ARHGEF28: variants seen among roughly 807,000 people sequenced by gnomAD.
The protein encoded by ARHGEF28 is Rho guanine nucleotide exchange factor 28.
Under a neutral mutation model 206.6 loss-of-function variants are expected in ARHGEF28, and 152 were observed. That is an observed-to-expected ratio of 0.74 (90% confidence interval 0.64 to 0.84). The LOEUF (loss-of-function observed/expected upper bound fraction) is 0.84. Ranked by LOEUF, ARHGEF28 falls within the 40% of genes least tolerant of loss-of-function variation. The pLI, the probability that ARHGEF28 is intolerant of heterozygous loss-of-function variation, is 0.00. For missense variants in ARHGEF28, 2,028 were observed against 2,073.2 expected (o/e 0.98, Z 0.42); for synonymous variants, 763 against 776.4 (o/e 0.98, Z 0.29).
At chr5:73,882,415 T>G in intron 22 of ARHGEF28, 57 bp from the exon 23 acceptor site, 3 of 1,196,890 alleles carry the variant, frequency 2.5e-6, no homozygotes, top group Non-Finnish European at 3.3e-6. Flanking sequence ...TGCATATTTT[T>G]TGTGTGTTTA....
At chr5:73,805,343 G>A (rs1755374399) in intron 9 of ARHGEF28, among the ~76,000 whole-genome samples, 1 of 152,064 alleles carries the variant, frequency 6.6e-6, no homozygotes, top group African/African-American at 2.4e-5. Flanking sequence ...GTTGGGGATG[G>A]GATGCAGAAT....
intron 1 of ARHGEF28, among the ~76,000 whole-genome samples, chr5:73,655,982 T>C (rs1463103217): frequency 1.3e-5 from 2 of 152,170 alleles, no homozygotes; most frequent in African/African-American, 4.8e-5. Flanking sequence ...ATGGTCAACA[T>C]GGCAGTATGT....
intron 4 of ARHGEF28, among the ~76,000 whole-genome samples, chr5:73,772,430 A>G (rs6887372): frequency 0.026 from 3,954 of 152,252 alleles, 161 homozygotes; most frequent in African/African-American, 0.091. Context: ...CCAGGTTGGC[A>G]TGCAGTGGTG....
chr5:73,812,615 G>C (rs752000077), intron 9 of ARHGEF28, among the ~76,000 whole-genome samples: 1 of 152,074 alleles, frequency 6.6e-6, no homozygotes, highest in South Asian at 2.1e-4. Flanking sequence ...GCAGTGCCAC[G>C]ATTTATGGGG....
chr5:73,742,366 C>T (rs879751493), intron 2 of ARHGEF28, among the ~76,000 whole-genome samples: 1 of 151,912 alleles, frequency 6.6e-6, no homozygotes, highest in Non-Finnish European at 1.5e-5. Context: ...GTTTGGCATG[C>T]ATGTTTTATT....
At position 73,929,923 on chromosome 5, in the gene ARHGEF28, A is replaced by G. The variant is rs1764011945; in HGVS notation, c.4949-10921A>G. On this transcript the variant is annotated intron_variant, in intron 35 of 35. Coordinates refer to ENST00000513042, the MANE Select transcript of ARHGEF28 (RefSeq NM_001177693.2). ...ATTTAAATATATATGTACTTTCTGC[A>G]ACTTGGTTTTTTTCATATTCATACA... Among the ~76,000 whole-genome samples, 3 of 152,208 alleles carry G rather than the reference A, an allele frequency of 2.0e-5. No individual in the cohort carries two copies. In the South Asian group the frequency reaches 6.2e-4, roughly 32 times the overall value.
At chr5:73,719,493 CTTG>C (rs1381655752) in intron 2 of ARHGEF28, among the ~76,000 whole-genome samples, 2 of 151,324 alleles carry the variant, frequency 1.3e-5, no homozygotes, top group East Asian at 3.9e-4. Context: ...AGCCCATTGT[CTTG>C]TTGTAAAAAT....
intron 1 of ARHGEF28, among the ~76,000 whole-genome samples, chr5:73,664,308 C>G (rs1003117340): frequency 2.0e-5 from 3 of 152,192 alleles, no homozygotes; most frequent in Non-Finnish European, 4.4e-5. Flanking sequence ...TTTATTGAAA[C>G]TGTCTCCTTT....
chr5:73,672,652 G>A (rs925884290), intron 1 of ARHGEF28, among the ~76,000 whole-genome samples: 5 of 152,202 alleles, frequency 3.3e-5, no homozygotes, highest in Admixed American at 2.6e-4. Context: ...TTGGTAGGTC[G>A]TATCTTGCCC....
At chr5:73,769,750 G>GTT (rs778902491) in intron 4 of ARHGEF28, among the ~76,000 whole-genome samples, 1 of 152,172 alleles carries the variant, frequency 6.6e-6, no homozygotes, top group Non-Finnish European at 1.5e-5. Context: ...GGTTGTAACA[G>GTT]TTTACATTTC....
In ARHGEF28 at chr5:73,691,296, TACAC is replaced by T. The variant is rs57854737; in HGVS notation, c.33+6433_33+6436del. Among the ~76,000 whole-genome samples the T allele has an allele frequency of 2.4e-3, 365 of 149,760 alleles. 2 individuals are homozygous for T. Among genetic ancestry groups the T allele is most frequent in the African/African-American group, 7.6e-3 (310 of 40,934 alleles). On this transcript the variant is annotated intron_variant, in intron 2 of 35. Coordinates refer to ENST00000513042, the MANE Select transcript of ARHGEF28 (RefSeq NM_001177693.2). The stretch of plus-strand genomic sequence containing the variant: ...CACTAAAATTTGTTTGGCAAATGTG[TACAC>T]ACACACACACACACACACACTCATG...
At chr5:73,637,914 C>A (rs1743828488) in intron 1 of ARHGEF28, among the ~76,000 whole-genome samples, 1 of 151,476 alleles carries the variant, frequency 6.6e-6, no homozygotes, top group African/African-American at 2.4e-5. Flanking sequence ...TAATAGAGAT[C>A]AAAGTATTGT....
chr5:73,882,444 A>G, intron 22 of ARHGEF28, 28 bp from the exon 23 acceptor site: 1 of 1,359,172 alleles, frequency 7.4e-7, no homozygotes, highest in Non-Finnish European at 9.8e-7. Context: ...TAAATTTACA[A>G]ACCATTATTT....
At chr5:73,749,588 T>G (rs1751917968) in intron 2 of ARHGEF28, among the ~76,000 whole-genome samples, 1 of 152,260 alleles carries the variant, frequency 6.6e-6, no homozygotes, top group South Asian at 2.1e-4. Flanking sequence ...TTCTTTCCTG[T>G]GCCCTGAAGT....
At chr5:73,669,329 A>G (rs1009472933) in intron 1 of ARHGEF28, among the ~76,000 whole-genome samples, 1 of 152,244 alleles carries the variant, frequency 6.6e-6, no homozygotes, top group Non-Finnish European at 1.5e-5. Context: ...GAAAACTAAT[A>G]GGAGGCATAC....
chr5:73,697,617 A>G (rs997824698), intron 2 of ARHGEF28, among the ~76,000 whole-genome samples: 1 of 151,890 alleles, frequency 6.6e-6, no homozygotes, highest in Non-Finnish European at 1.5e-5. Flanking sequence ...TCCCACAATA[A>G]CCCATTAATC....
intron 27 of ARHGEF28, 92 bp downstream of exon 27, chr5:73,892,322 T>C: frequency 1.4e-6 from 2 of 1,425,678 alleles, no homozygotes; most frequent in Non-Finnish European, 1.9e-6. Flanking sequence ...AAACTTTGCC[T>C]CTGCCAGAAT....
intron 4 of ARHGEF28, among the ~76,000 whole-genome samples, chr5:73,772,570 G>C (rs1753281671): frequency 6.6e-6 from 1 of 152,140 alleles, no homozygotes; most frequent in Admixed American, 6.5e-5. Context: ...GTGGACAGTG[G>C]GTTTTACCAC....
intron 2 of ARHGEF28, among the ~76,000 whole-genome samples, chr5:73,715,943 G>A (rs142264914): frequency 2.6e-5 from 4 of 152,298 alleles, no homozygotes; most frequent in African/African-American, 4.8e-5. Context: ...GCACTTACAC[G>A]GGTATCAGCT....
Sources: allele counts gnomAD v4.1 joint callset (sites outside exome capture counted in the v4.1 genomes callset), GRCh38; gene constraint gnomAD v4.1.1; transcripts MANE v1.5; gene names NCBI Gene and HGNC (gene_info 2026-07-23, HGNC 2026-07-21).